The following DNAH14 variants were observed in gnomAD, a reference collection of about 807,000 sequenced individuals.
The protein encoded by DNAH14 is axonemal beta dynein heavy chain 14.
In DNAH14, 478 loss-of-function variants were observed where a neutral mutation model predicts 520.9. The observed-to-expected ratio is 0.92, with a 90% CI of 0.85 to 0.99. The LOEUF is 0.99. Ranked by LOEUF, DNAH14 falls within the 50% of genes least tolerant of loss-of-function variation. The probability of loss-of-function intolerance (pLI) is 0.00; values close to 1 mark genes in which losing one functional copy is unlikely to be tolerated. For synonymous variants in DNAH14, 1,581 were observed against 1,757.2 expected, an observed-to-expected ratio of 0.90 and a Z score of 2.51; for missense variants, 4,831 against 5,234.5, an observed-to-expected ratio of 0.92 and a Z score of 2.38.
At chr1:225,017,500 A>G (rs2065306128) in intron 10 of DNAH14, among the ~76,000 whole-genome samples, 1 of 152,162 alleles carries the variant, frequency 6.6e-6, no homozygotes, top group Non-Finnish European at 1.5e-5. Context: ...GTGTTCACTC[A>G]TGGCACCCCT....
intron 37 of DNAH14, among the ~76,000 whole-genome samples, chr1:225,189,655 T>C (rs1009409145): frequency 6.6e-6 from 1 of 152,006 alleles, no homozygotes; most frequent in Admixed American, 6.6e-5. Flanking sequence ...TGTTTTACTT[T>C]CAAACTGTGT....
intron 81 of DNAH14, among the ~76,000 whole-genome samples, chr1:225,386,321 C>G (rs1179519268): frequency 6.6e-6 from 1 of 152,134 alleles, no homozygotes; most frequent in Non-Finnish European, 1.5e-5. Flanking sequence ...TAGGCATGGG[C>G]AAGGACTTCA....
intron 1 of DNAH14, among the ~76,000 whole-genome samples, chr1:224,948,264 C>T (rs1280375884): frequency 1.3e-5 from 2 of 151,278 alleles, no homozygotes; most frequent in Non-Finnish European, 2.9e-5. Flanking sequence ...TTGTTAAGTC[C>T]AAATTCCAAA....
intron 11 of DNAH14, among the ~76,000 whole-genome samples, chr1:225,033,464 T>G (rs2066697740): frequency 6.6e-6 from 1 of 152,182 alleles, no homozygotes; most frequent in Non-Finnish European, 1.5e-5. Flanking sequence ...AGTACCATTC[T>G]CTTTTGGTCA....
At position 225,359,622 on chromosome 1, in the gene DNAH14, G is replaced by A. The variant is rs552429182; in HGVS notation, c.11776+970G>A. ...CTTATCTGGAGTGCCTCCACCTGGA[G>A]GCTTCTCACCTGGAATGTTTCCATG... On this transcript the variant is annotated intron_variant, in intron 74 of 85. Transcript: ENST00000682510. 2.0e-5 allele frequency among the ~76,000 whole-genome samples: 3 copies of A among 152,232 alleles called. No homozygotes were observed. In the South Asian group the frequency reaches 6.2e-4, roughly 32 times the overall value.
chr1:225,189,572 T>G (rs1397833731), intron 37 of DNAH14, among the ~76,000 whole-genome samples: 1 of 151,828 alleles, frequency 6.6e-6, no homozygotes, highest in Non-Finnish European at 1.5e-5. Flanking sequence ...ATTTTCTATT[T>G]CTTCTTCAGT....
chr1:225,250,372 G>A (rs974732663), intron 43 of DNAH14, among the ~76,000 whole-genome samples: 3 of 152,184 alleles, frequency 2.0e-5, no homozygotes, highest in Non-Finnish European at 4.4e-5. Flanking sequence ...ATTAAACCAG[G>A]GATTAGCATA....
Position 225,324,842 on chromosome 1 carries a change from AC to A in DNAH14, c.9723+11del. 6.5e-7 allele frequency: 1 copy of A among 1,546,722 alleles called. No individual in the cohort carries two copies. The highest frequency in any genetic ancestry group is 8.8e-7 in the Non-Finnish European group (1 of 1,142,720). On this transcript the variant is annotated intron_variant, in intron 64 of 85. Coordinates refer to ENST00000682510, the MANE Select transcript of DNAH14 (RefSeq NM_001367479.1). ...AAGAGGTTTACAGCTGGTAAGAAAT[AC>A]AGTTCAGTTCTCAAAATAAGACAAA...
At chr1:225,221,288 A>C (rs1473816972) in intron 41 of DNAH14, among the ~76,000 whole-genome samples, 1 of 152,232 alleles carries the variant, frequency 6.6e-6, no homozygotes, top group Non-Finnish European at 1.5e-5. Context: ...AATGGCAACA[A>C]AAGCCAAAAT....
chr1:225,259,330 TA>T, intron 46 of DNAH14, 77 bp downstream of exon 46: 2 of 1,056,438 alleles, frequency 1.9e-6, no homozygotes, highest in Non-Finnish European at 2.5e-6. Flanking sequence ...TGCCTGTTTT[TA>T]AAAAAAGCAA....
intron 21 of DNAH14, among the ~76,000 whole-genome samples, chr1:225,094,883 A>G (rs187538045): frequency 6.6e-6 from 1 of 151,910 alleles, no homozygotes; most frequent in Non-Finnish European, 1.5e-5. Context: ...CACTTTTCAA[A>G]AGAAGACATA....
chr1:225,168,299 G>A (rs1301641298), intron 36 of DNAH14, among the ~76,000 whole-genome samples: 2 of 152,186 alleles, frequency 1.3e-5, no homozygotes, highest in Non-Finnish European at 2.9e-5. Context: ...TCGCACTGGG[G>A]ATTGTTGAAC....
At chr1:225,389,048 G>A (rs924525960) in intron 82 of DNAH14, among the ~76,000 whole-genome samples, 4 of 152,182 alleles carry the variant, frequency 2.6e-5, no homozygotes, top group East Asian at 3.8e-4. Context: ...ATGAGCCACC[G>A]CGCCCAGCCA....
chr1:225,185,841 A>T (rs1171794310), intron 37 of DNAH14, among the ~76,000 whole-genome samples: 3 of 150,060 alleles, frequency 2.0e-5, no homozygotes, highest in Non-Finnish European at 3.0e-5. Context: ...TCCTTACTTT[A>T]TCTGGAATGT....
chr1:225,355,305 C>T (rs1026146009), intron 73 of DNAH14, among the ~76,000 whole-genome samples: 1 of 152,058 alleles, frequency 6.6e-6, no homozygotes, highest in Non-Finnish European at 1.5e-5. Context: ...TCACTCGTCT[C>T]ACTCTGTCAT....
intron 1 of DNAH14, among the ~76,000 whole-genome samples, chr1:224,938,287 C>T (rs2059170644): frequency 6.6e-6 from 1 of 152,016 alleles, no homozygotes; most frequent in African/African-American, 2.4e-5. Context: ...GTATTTGCAA[C>T]CTAAGCATAT....
intron 83 of DNAH14, among the ~76,000 whole-genome samples, chr1:225,391,284 G>T (rs188106356): frequency 3.3e-5 from 5 of 152,224 alleles, no homozygotes; most frequent in Admixed American, 3.3e-4. Context: ...CATTGGAGAA[G>T]AACAAGACTG....
intron 55 of DNAH14, among the ~76,000 whole-genome samples, chr1:225,291,314 T>C (rs2093883351): frequency 6.6e-6 from 1 of 152,194 alleles, no homozygotes. Flanking sequence ...AAAAGAGCTG[T>C]TATAAACATG....
intron 75 of DNAH14, among the ~76,000 whole-genome samples, chr1:225,361,378 A>T (rs532574950): frequency 6.6e-6 from 1 of 152,346 alleles, no homozygotes; most frequent in Middle Eastern, 3.4e-3. Context: ...CTCATGCAGA[A>T]ATTTTTATAC....
Sources: allele counts gnomAD v4.1 joint callset (sites outside exome capture counted in the v4.1 genomes callset), GRCh38; gene constraint gnomAD v4.1.1; transcripts MANE v1.5; gene names NCBI Gene and HGNC (gene_info 2026-07-23, HGNC 2026-07-21).